The following SEPTIN11 variants were observed in gnomAD, a reference collection of about 807,000 sequenced individuals.
SEPTIN11 encodes septin-11.
SEPTIN11 carries 25 observed loss-of-function variants against 51.4 expected under a neutral mutation model. The ratio of observed to expected loss-of-function variants is 0.49; its 90% CI spans 0.35 to 0.68. SEPTIN11 has a LOEUF of 0.68. Among genes scored for constraint, SEPTIN11 ranks in the 30% least tolerant of loss-of-function variants. The probability of loss-of-function intolerance (pLI) is 0.00; values close to 1 mark genes in which losing one functional copy is unlikely to be tolerated. For synonymous variants in SEPTIN11, 174 were observed against 184.1 expected (o/e 0.95, Z 0.44); for missense variants, 381 against 520.8 (o/e 0.73, Z 2.61).
At chr4:77,033,898 G>C (rs1178462294) in intron 9 of SEPTIN11, among the ~76,000 whole-genome samples, 1 of 152,144 alleles carries the variant, frequency 6.6e-6, no homozygotes, top group Non-Finnish European at 1.5e-5. Context: ...CCGTGGGTTT[G>C]GCATTACTTT....
intron 1 of SEPTIN11, among the ~76,000 whole-genome samples, chr4:76,966,933 T>A (rs1383167745): frequency 6.6e-6 from 1 of 150,836 alleles, no homozygotes; most frequent in Non-Finnish European, 1.5e-5. Context: ...GTGCTTAACC[T>A]GGCCTGTAAT....
chr4:77,018,338 A>C (rs1560738152), intron 5 of SEPTIN11, among the ~76,000 whole-genome samples: 1 of 151,958 alleles, frequency 6.6e-6, no homozygotes, highest in South Asian at 2.1e-4. Context: ...AGTCCCAGCT[A>C]TTTGGGACGC....
intron 8 of SEPTIN11, among the ~76,000 whole-genome samples, chr4:77,029,925 G>A (rs1170181176): frequency 2.0e-5 from 3 of 152,092 alleles, no homozygotes; most frequent in Non-Finnish European, 4.4e-5. Flanking sequence ...CAGAGGTAAA[G>A]AACCACTTTT....
rs368053703 is a variant in SEPTIN11 at position 77,005,687 on chromosome 4, G to C, written c.229G>C (p.Gly77Arg). The C allele has an allele frequency of 6.2e-7, 1 of 1,614,116 alleles. No individual in the cohort carries two copies. Reference protein sequence around the residue: ...ESDPATHNEPGVRLKARSYEL... With the variant: ...ESDPATHNEPRVRLKARSYEL... ...TGACCCAGCTACTCACAATGAACCA[G>C]GTGTTCGGTTAAAAGCCAGAAGTTA... Residue 77 changes from glycine (G) to arginine (R), a missense_variant, in exon 3 of 10, where the codon GGT becomes CGT. By Grantham distance (125) the Gly-to-Arg change is moderately radical. Transcript: ENST00000264893.
chr4:77,036,698 C>T lies in SEPTIN11; in HGVS notation c.*2186C>T. ...GCTTCTGAACTTTTTTCTGCCACTG[C>T]TCCCTAGCCCTGTTTAGTTTGTTAT... On this transcript the variant is annotated 3_prime_UTR_variant, in exon 10 of 10. Coordinates refer to ENST00000264893, the MANE Select transcript of SEPTIN11 (RefSeq NM_018243.4). The T allele has an allele frequency of 1.3e-6, 2 of 1,529,472 alleles. No homozygotes were observed. Among genetic ancestry groups the T allele is most frequent in the Non-Finnish European group, 1.7e-6 (2 of 1,145,088 alleles). 94.7% of individuals were successfully genotyped at this position (1,529,472 alleles called of 1,614,324 possible).
intron 3 of SEPTIN11, 117 bp downstream of exon 3, chr4:77,005,913 A>G (rs1346750407): frequency 1.1e-6 from 1 of 884,258 alleles, no homozygotes; most frequent in South Asian, 1.7e-5. Flanking sequence ...TTGGTCCTCT[A>G]TTGCCTAAAA....
chr4:76,959,049 A>G, intron 1 of SEPTIN11: 1 of 715,940 alleles, frequency 1.4e-6, no homozygotes, highest in South Asian at 1.4e-5. Flanking sequence ...AGGGAATGAA[A>G]GAAAGACTTG....
chr4:76,977,492 C>G (rs2645669), intron 1 of SEPTIN11, among the ~76,000 whole-genome samples: 10,027 of 152,164 alleles, frequency 0.066, 648 homozygotes, highest in African/African-American at 0.16. Flanking sequence ...TAATGCCTAG[C>G]TCAGGGTAGG....
chr4:77,015,150 C>A, intron 5 of SEPTIN11, 133 bp downstream of exon 5: 2 of 753,260 alleles, frequency 2.7e-6, no homozygotes, highest in Non-Finnish European at 4.1e-6. Flanking sequence ...TTTGCCACCA[C>A]TTCAAGTCAT....
Position 77,035,831 on chromosome 4 carries a change from G to A in SEPTIN11, c.*1319G>A. 2.0e-6 allele frequency: 2 copies of A among 985,796 alleles called. No individual in the cohort carries two copies. The highest frequency in any genetic ancestry group is 2.4e-6 in the Non-Finnish European group (2 of 829,940). 61.1% of individuals were successfully genotyped at this position (985,796 alleles called of 1,614,324 possible). ...GCATATTTAATCTCTTTTCTATACTGCTCCTTTCTGATGCTTATCCTTTCA... is the reference window on the plus strand; with the variant it reads ...GCATATTTAATCTCTTTTCTATACTACTCCTTTCTGATGCTTATCCTTTCA... On this transcript the variant is annotated 3_prime_UTR_variant, in exon 10 of 10. Coordinates refer to ENST00000264893, the MANE Select transcript of SEPTIN11 (RefSeq NM_018243.4).
Position 77,035,859 on chromosome 4 carries a change from T to G in SEPTIN11, c.*1347T>G, listed in dbSNP as rs896646694. 1.0e-6 allele frequency: 1 copy of G among 985,918 alleles called. No homozygotes were observed. Among genetic ancestry groups the G allele is most frequent in the African/African-American group, 1.7e-5 (1 of 57,362 alleles). 61.1% of individuals were successfully genotyped at this position (985,918 alleles called of 1,614,324 possible). A position where few individuals can be genotyped will look rare whatever the true frequency, so the allele number is the denominator to read the frequency against. On this transcript the variant is annotated 3_prime_UTR_variant, in exon 10 of 10. Coordinates refer to ENST00000264893, the MANE Select transcript of SEPTIN11 (RefSeq NM_018243.4). ...CCTTTCTGATGCTTATCCTTTCATC[T>G]GTGTGATTGTTTTTTCCCCTCTACT...
chr4:77,028,836 C>A, intron 8 of SEPTIN11, 75 bp downstream of exon 8: 1 of 1,453,160 alleles, frequency 6.9e-7, no homozygotes, highest in South Asian at 1.5e-5. Context: ...CTTTAGAGGA[C>A]TTCATGATGG....
intron 1 of SEPTIN11, among the ~76,000 whole-genome samples, chr4:76,964,231 T>A (rs1424677492): frequency 6.6e-6 from 1 of 150,760 alleles, no homozygotes; most frequent in Non-Finnish European, 1.5e-5. Flanking sequence ...TACACAAGAG[T>A]AGAGAAAATA....
intron 1 of SEPTIN11, among the ~76,000 whole-genome samples, chr4:76,951,237 A>G (rs1032790637): frequency 3.9e-5 from 6 of 152,098 alleles, no homozygotes; most frequent in Non-Finnish European, 8.8e-5. Context: ...TGCGGATTCT[A>G]ATTCGATTTG....
Position 77,037,306 on chromosome 4 carries a change from G to A in SEPTIN11, c.*2794G>A, listed in dbSNP as rs1727097948. 2.2e-6 allele frequency: 2 copies of A among 888,994 alleles called. No individual in the cohort carries two copies. The highest frequency in any genetic ancestry group is 2.7e-6 in the Non-Finnish European group (2 of 742,430). 55.1% of individuals were successfully genotyped at this position (888,994 alleles called of 1,614,324 possible). On this transcript the variant is annotated 3_prime_UTR_variant, in exon 10 of 10. Transcript: ENST00000264893. Reference sequence around the variant, plus strand: ...GAACTTGGGAGATGGAGGTTGCAGTGAGCCAAGATTGCACCACTGCATTCC... The same window carrying A: ...GAACTTGGGAGATGGAGGTTGCAGTAAGCCAAGATTGCACCACTGCATTCC...
intron 1 of SEPTIN11, among the ~76,000 whole-genome samples, chr4:76,951,545 G>T (rs1392862634): frequency 1.3e-5 from 2 of 152,116 alleles, no homozygotes; most frequent in Non-Finnish European, 2.9e-5. Flanking sequence ...TCCTCCCCCT[G>T]CCCCCCATTA....
chr4:77,020,759 T>TG, intron 7 of SEPTIN11, 89 bp downstream of exon 7: 1 of 1,231,312 alleles, frequency 8.1e-7, no homozygotes, highest in South Asian at 1.4e-5. Context: ...TGGATTGAGA[T>TG]GGTGATGATG....
At chr4:77,001,615 G>A (rs939078846) in intron 2 of SEPTIN11, among the ~76,000 whole-genome samples, 1 of 152,172 alleles carries the variant, frequency 6.6e-6, no homozygotes, top group African/African-American at 2.4e-5. Flanking sequence ...CTCCCAGAGT[G>A]TTGAGATTAC....
intron 1 of SEPTIN11, among the ~76,000 whole-genome samples, chr4:76,992,704 G>A (rs916047522): frequency 6.6e-6 from 1 of 152,046 alleles, no homozygotes; most frequent in African/African-American, 2.4e-5. Flanking sequence ...TCCTTTTATT[G>A]GTCAGAAGAA....
Sources: gnomAD v4.1 joint callset for allele counts (sites outside exome capture counted in the v4.1 genomes callset) on GRCh38, gnomAD v4.1.1 for gene constraint, MANE v1.5 for transcripts, NCBI Gene and HGNC (gene_info 2026-07-23, HGNC 2026-07-21) for gene names.